The following FAM53A variants were observed in gnomAD, a reference collection of about 807,000 sequenced individuals.
The protein encoded by FAM53A is family with sequence similarity 53 member A.
FAM53A carries 28 observed loss-of-function variants against 26.6 expected under a neutral mutation model. The observed-to-expected ratio is 1.05, with a 90% CI of 0.78 to 1.45. The LOEUF is 1.45. Ranked by LOEUF, FAM53A falls within the 40% of genes most tolerant of loss-of-function variation. The probability of loss-of-function intolerance (pLI) is 0.00; values close to 1 mark genes in which losing one functional copy is unlikely to be tolerated. For missense variants in FAM53A, 650 were observed against 575.8 expected (o/e 1.13, Z -1.32); for synonymous variants, 290 against 253.1 (o/e 1.15, Z -1.38).
the FAM53A span, among the ~76,000 whole-genome samples, chr4:1,598,376 G>A: frequency 2.0e-5 from 3 of 152,218 alleles, no homozygotes; most frequent in East Asian, 1.9e-4. Context: ...GGGCACGGAC[G>A]GGAGCCAGGA....
At chr4:1,647,562 C>A (rs185022394) in intron 4 of FAM53A, among the ~76,000 whole-genome samples, 1 of 152,178 alleles carries the variant, frequency 6.6e-6, no homozygotes, top group African/African-American at 2.4e-5. Context: ...GACATAGGAG[C>A]CCTGCAGGGT....
the FAM53A span, among the ~76,000 whole-genome samples, chr4:1,609,455 A>G: frequency 6.6e-6 from 1 of 151,728 alleles, no homozygotes; most frequent in Non-Finnish European, 1.5e-5. Context: ...CATGGGAGGG[A>G]CTCGGTGGAG....
chr4:1,601,625 A>G, the FAM53A span, among the ~76,000 whole-genome samples: 10 of 106,044 alleles, frequency 9.4e-5, 3 homozygotes, highest in Admixed American at 3.1e-4. Context: ...TCTGCCATGC[A>G]CCCCATCTGC....
downstream of FAM53A, among the ~76,000 whole-genome samples, chr4:1,615,934 C>CA (rs1714797224): frequency 6.6e-6 from 1 of 152,194 alleles, no homozygotes; most frequent in South Asian, 2.1e-4. Context: ...GGCGATGTTT[C>CA]AGAGACATCC....
the FAM53A span, among the ~76,000 whole-genome samples, chr4:1,606,048 T>C: frequency 6.6e-6 from 1 of 151,016 alleles, no homozygotes; most frequent in Admixed American, 6.6e-5. Flanking sequence ...CTCTTTTTTT[T>C]TTTTTTTTGA....
intron 1 of FAM53A, among the ~76,000 whole-genome samples, chr4:1,628,876 C>CAGGCTT (rs1453546886): frequency 1.1e-4 from 17 of 151,322 alleles, no homozygotes; most frequent in African/African-American, 4.1e-4. Context: ...TAAGACTCCC[C>CAGGCTT]AGGCTTCGCC....
chr4:1,642,769 C>A (rs1001053866), intron 4 of FAM53A, among the ~76,000 whole-genome samples: 1 of 152,150 alleles, frequency 6.6e-6, no homozygotes, highest in Non-Finnish European at 1.5e-5. Context: ...GCCTTCCTAC[C>A]CAGCCCCACC....
In FAM53A at chr4:1,668,874, G is replaced by A; in HGVS notation, c.-133C>T. 1.4e-6 allele frequency: 1 copy of A among 721,610 alleles called. No homozygotes were observed. Among genetic ancestry groups the A allele is most frequent in the Non-Finnish European group, 2.3e-6 (1 of 427,850 alleles). The allele number at this position is 721,610 out of a possible 1,614,324, so 44.7% of individuals were successfully genotyped here. A position where few individuals can be genotyped will look rare whatever the true frequency, so the allele number is the denominator to read the frequency against. On this transcript the variant is annotated 5_prime_UTR_variant, in exon 2 of 5. Transcript: ENST00000308132. ...TCTCCACTTTCTTTACAGATGAGCAGTCCACGCCCACGGGCTCTTCAGGAT... is the reference window on the plus strand; with the variant it reads ...TCTCCACTTTCTTTACAGATGAGCAATCCACGCCCACGGGCTCTTCAGGAT...
intron 1 of FAM53A, among the ~76,000 whole-genome samples, chr4:1,675,240 TC>T (rs1170111868): frequency 6.6e-6 from 1 of 152,150 alleles, no homozygotes; most frequent in Non-Finnish European, 1.5e-5. Flanking sequence ...GAACTCACTG[TC>T]CCTGCCACCA....
At chr4:1,613,546 C>T (rs1714703140), downstream of FAM53A, among the ~76,000 whole-genome samples, 2 of 152,352 alleles carry the variant, frequency 1.3e-5, no homozygotes, top group South Asian at 4.2e-4. Flanking sequence ...TAAGCACACG[C>T]AGGCACCACG....
chr4:1,660,358 G>GA (rs1491356280), intron 2 of FAM53A, among the ~76,000 whole-genome samples: 62,869 of 151,728 alleles, frequency 0.41, 14,598 homozygotes, highest in African/African-American at 0.63. Context: ...AGCACTGTGG[G>GA]GGCTGAGGTG....
At chr4:1,650,207 C>T (rs1160549165) in intron 4 of FAM53A, among the ~76,000 whole-genome samples, 1 of 130,160 alleles carries the variant, frequency 7.7e-6, no homozygotes, top group Non-Finnish European at 1.6e-5. Context: ...GTGGCACAGG[C>T]GTGACATTTG....
chr4:1,641,015 GTGGCAGCCGT>G lies in FAM53A; in HGVS notation c.*268_*277del, dbSNP rs1334806552. 1 of 430,514 alleles carries G rather than the reference GTGGCAGCCGT, an allele frequency of 2.3e-6. No homozygotes were observed. Among genetic ancestry groups the G allele is most frequent in the African/African-American group, 2.6e-5 (1 of 38,108 alleles). 26.7% of individuals were successfully genotyped at this position (430,514 alleles called of 1,614,324 possible). On this transcript the variant is annotated 3_prime_UTR_variant, in exon 5 of 5. Transcript: ENST00000308132. ...ACTCTGTGCCCCAGGGCAGGTGCCGGTGGCAGCCGTGGCCCCGACCAGCTCACAGGAAACC... is the reference window on the plus strand; with the variant it reads ...ACTCTGTGCCCCAGGGCAGGTGCCGGGGCCCCGACCAGCTCACAGGAAACC...
chr4:1,657,011 G>C (rs534922515), intron 3 of FAM53A, among the ~76,000 whole-genome samples: 3 of 152,312 alleles, frequency 2.0e-5, no homozygotes, highest in East Asian at 3.9e-4. Context: ...TCCACTGCAC[G>C]GACAGTGGGT....
Position 1,632,145 on chromosome 4 carries a change from C to T in FAM53A, c.432-14034G>A, listed in dbSNP as rs1407694691. 1.5e-4 allele frequency among the ~76,000 whole-genome samples: 19 copies of T among 130,992 alleles called. No individual in the cohort carries two copies. In the Admixed American group the frequency reaches 1.6e-3, roughly 11 times the overall value. The allele number at this position is 130,992 out of a possible 152,430, so 85.9% of individuals were successfully genotyped here. Reference sequence around the variant, plus strand: ...CTCCACTGCACTCCAGCCTGGGTGACACAGTAAGATTCCATCTCAAAAAAA... The same window carrying T: ...CTCCACTGCACTCCAGCCTGGGTGATACAGTAAGATTCCATCTCAAAAAAA... On this transcript the variant is annotated intron_variant, in intron 1 of 1. Coordinates refer to the FAM53A transcript ENST00000489029.
chr4:1,635,316 C>T (rs550657950), downstream of FAM53A, among the ~76,000 whole-genome samples: 1 of 152,138 alleles, frequency 6.6e-6, no homozygotes, highest in Non-Finnish European at 1.5e-5. Flanking sequence ...CACTGTCATC[C>T]AGGCTGGAGT....
At chr4:1,620,898 A>G (rs1169879368) in intron 1 of FAM53A, among the ~76,000 whole-genome samples, 3 of 152,082 alleles carry the variant, frequency 2.0e-5, no homozygotes, top group Non-Finnish European at 4.4e-5. Flanking sequence ...CCAGGCTGGG[A>G]TCGGGTCCCC....
the FAM53A span, among the ~76,000 whole-genome samples, chr4:1,585,049 T>C: frequency 1.3e-5 from 2 of 152,364 alleles, no homozygotes; most frequent in South Asian, 2.1e-4. Flanking sequence ...CATTGTGGAA[T>C]GGCTAAATTT....
At chr4:1,676,049 GTGTTTTAATTTAA>G (rs1304598025) in intron 1 of FAM53A, among the ~76,000 whole-genome samples, 2 of 152,364 alleles carry the variant, frequency 1.3e-5, no homozygotes, top group East Asian at 3.9e-4. Flanking sequence ...CGATTTTTCT[GTGTTTTAATTTAA>G]TTCGATCCAC....
Sources: allele counts gnomAD v4.1 joint callset (sites outside exome capture counted in the v4.1 genomes callset), GRCh38; gene constraint gnomAD v4.1.1; transcripts MANE v1.5; gene names NCBI Gene and HGNC (gene_info 2026-07-23, HGNC 2026-07-21).